The following RAP1GDS1 variants were observed in gnomAD, a reference collection of about 807,000 sequenced individuals.
RAP1GDS1 encodes Rap1 GTPase-GDP dissociation stimulator 1.
RAP1GDS1 carries 35 observed loss-of-function variants against 71.1 expected under a neutral mutation model. The observed-to-expected ratio is 0.49, with a 90% CI of 0.38 to 0.65. RAP1GDS1 has a LOEUF of 0.65. Ranked by LOEUF, RAP1GDS1 falls within the 30% of genes least tolerant of loss-of-function variation. The probability of loss-of-function intolerance (pLI) is 0.00; values close to 1 mark genes in which losing one functional copy is unlikely to be tolerated. For synonymous variants in RAP1GDS1, 229 were observed against 243.1 expected (o/e 0.94, Z 0.54); for missense variants, 663 against 706.1 (o/e 0.94, Z 0.69).
At chr4:98,307,853 G>GCTTAAGCCAATAA (rs984237194) in intron 2 of RAP1GDS1, among the ~76,000 whole-genome samples, 1 of 151,936 alleles carries the variant, frequency 6.6e-6, no homozygotes. Flanking sequence ...TACTGTATTG[G>GCTTAAGCCAATAA]GTTAAGCTTC....
chr4:98,345,035 G>A (rs1278569119), intron 3 of RAP1GDS1, among the ~76,000 whole-genome samples: 1 of 152,042 alleles, frequency 6.6e-6, no homozygotes, highest in Non-Finnish European at 1.5e-5. Flanking sequence ...GTCTCCCTAT[G>A]TTGCCCAGGC....
chr4:98,351,308 T>C (rs1257597098), intron 3 of RAP1GDS1, among the ~76,000 whole-genome samples: 1 of 152,162 alleles, frequency 6.6e-6, no homozygotes, highest in Non-Finnish European at 1.5e-5. Context: ...TAGGAATTAA[T>C]TCATTTATTT....
At chr4:98,321,570 C>T (rs1256240337) in intron 2 of RAP1GDS1, among the ~76,000 whole-genome samples, 6 of 151,414 alleles carry the variant, frequency 4.0e-5, no homozygotes, top group Admixed American at 6.6e-5. Flanking sequence ...AACAGCGGAT[C>T]TCTCGGCAGA....
chr4:98,418,709 T>G lies in RAP1GDS1; in HGVS notation c.1092T>G (p.Asp364Glu). ...ATGGGATTGTAGAAAAACTTATGGA[T>G]TTACTGGACAGACATGTAGAAGATG... is the stretch of plus-strand genomic sequence containing the variant. ...VDNGIVEKLM[D>E]LLDRHVEDGN... The change falls in exon 10 of 15, where the codon GAT becomes GAG. Residue 364 changes from aspartate to glutamate, a missense_variant. Transcript: ENST00000408927. The G allele has an allele frequency of 6.2e-7, 1 of 1,612,176 alleles. No individual in the cohort carries two copies. The highest frequency in any genetic ancestry group is 1.1e-5 in the South Asian group (1 of 90,562).
chr4:98,277,498 G>A (rs753944127), intron 1 of RAP1GDS1, among the ~76,000 whole-genome samples: 5 of 151,862 alleles, frequency 3.3e-5, no homozygotes, highest in Admixed American at 6.6e-5. Flanking sequence ...TATATTCTTC[G>A]TCATAACACC....
At chr4:98,324,851 A>C (rs1732692089) in intron 2 of RAP1GDS1, among the ~76,000 whole-genome samples, 1 of 152,148 alleles carries the variant, frequency 6.6e-6, no homozygotes, top group African/African-American at 2.4e-5. Flanking sequence ...CATTCAGTAC[A>C]TAAGCGTGGG....
chr4:98,318,773 C>G (rs1578416413), intron 2 of RAP1GDS1, among the ~76,000 whole-genome samples: 1 of 152,262 alleles, frequency 6.6e-6, no homozygotes, highest in East Asian at 1.9e-4. Flanking sequence ...GGATAAAGGA[C>G]AAAGGGATGA....
At chr4:98,354,752 A>G (rs562864163) in intron 4 of RAP1GDS1, among the ~76,000 whole-genome samples, 1 of 152,244 alleles carries the variant, frequency 6.6e-6, no homozygotes, top group Non-Finnish European at 1.5e-5. Context: ...TAACCAACTT[A>G]TCCTCATTTA....
intron 1 of RAP1GDS1, among the ~76,000 whole-genome samples, chr4:98,272,878 A>C (rs758798471): frequency 3.3e-5 from 5 of 152,192 alleles, no homozygotes; most frequent in Non-Finnish European, 5.9e-5. Context: ...GGATGAGAGA[A>C]GACAACGCTT....
At chr4:98,351,322 G>A (rs1231628235) in intron 3 of RAP1GDS1, among the ~76,000 whole-genome samples, 1 of 152,132 alleles carries the variant, frequency 6.6e-6, no homozygotes, top group African/African-American at 2.4e-5. Flanking sequence ...TTTATTTCGG[G>A]ACAGAGGAAT....
intron 4 of RAP1GDS1, among the ~76,000 whole-genome samples, chr4:98,373,063 C>G (rs938752540): frequency 2.6e-5 from 4 of 152,206 alleles, no homozygotes; most frequent in African/African-American, 9.6e-5. Context: ...TTATCATTTT[C>G]AGTGCACTAC....
chr4:98,263,570 T>TA (rs1271358494), intron 1 of RAP1GDS1, among the ~76,000 whole-genome samples: 1 of 152,350 alleles, frequency 6.6e-6, no homozygotes, highest in Admixed American at 6.5e-5. Flanking sequence ...TTTTAGCACT[T>TA]ACGTAATCTA....
At chr4:98,285,308 A>G (rs762280151) in intron 1 of RAP1GDS1, among the ~76,000 whole-genome samples, 2 of 152,176 alleles carry the variant, frequency 1.3e-5, no homozygotes, top group Non-Finnish European at 2.9e-5. Flanking sequence ...TTATTCTGAC[A>G]TTAATTGTCT....
intron 4 of RAP1GDS1, among the ~76,000 whole-genome samples, chr4:98,367,306 C>A (rs1361718162): frequency 6.6e-6 from 1 of 152,172 alleles, no homozygotes; most frequent in Non-Finnish European, 1.5e-5. Context: ...AGTTTGGGAA[C>A]CTCCACCTAC....
intron 4 of RAP1GDS1, among the ~76,000 whole-genome samples, chr4:98,368,494 A>G (rs939598157): frequency 6.6e-6 from 1 of 152,098 alleles, no homozygotes; most frequent in Non-Finnish European, 1.5e-5. Flanking sequence ...TCATAAATAA[A>G]TGAGAATGAT....
intron 14 of RAP1GDS1, among the ~76,000 whole-genome samples, chr4:98,437,530 A>G (rs1327909964): frequency 2.6e-5 from 4 of 152,186 alleles, no homozygotes; most frequent in Non-Finnish European, 5.9e-5. Flanking sequence ...ACGGTGGCTC[A>G]TGCCTGTACT....
chr4:98,277,834 A>G (rs1724455150), intron 1 of RAP1GDS1, among the ~76,000 whole-genome samples: 1 of 152,230 alleles, frequency 6.6e-6, no homozygotes, highest in Admixed American at 6.5e-5. Flanking sequence ...AGAGTTTGTC[A>G]GGCAGCAGCC....
At chr4:98,298,052 GC>G (rs777962032) in intron 2 of RAP1GDS1, among the ~76,000 whole-genome samples, 1 of 152,302 alleles carries the variant, frequency 6.6e-6, no homozygotes, top group South Asian at 2.1e-4. Context: ...GATCATACTA[GC>G]CACAACATTC....
chr4:98,299,845 T>C (rs1160294746), intron 2 of RAP1GDS1, among the ~76,000 whole-genome samples: 1 of 151,956 alleles, frequency 6.6e-6, no homozygotes, highest in African/African-American at 2.4e-5. Flanking sequence ...GGTCTCGAAC[T>C]CCTGACCTTG....
Sources: allele counts gnomAD v4.1 joint callset (sites outside exome capture counted in the v4.1 genomes callset), GRCh38; gene constraint gnomAD v4.1.1; transcripts MANE v1.5; gene names NCBI Gene and HGNC (gene_info 2026-07-23, HGNC 2026-07-21).